The following NKAIN3 variants were observed in gnomAD, a reference collection of about 807,000 sequenced individuals.
NKAIN3 encodes sodium/potassium transporting ATPase interacting 3.
Under a neutral mutation model 30.2 loss-of-function variants are expected in NKAIN3, and 25 were observed. The observed-to-expected ratio is 0.83, with a 90% CI of 0.60 to 1.16. The LOEUF (loss-of-function observed/expected upper bound fraction) is 1.16. NKAIN3 is among the 50% of genes most tolerant of loss of function. NKAIN3 has a pLI of 0.00. For missense variants in NKAIN3, 225 were observed against 254.1 expected (o/e 0.89, Z 0.78); for synonymous variants, 91 against 89.6 (o/e 1.02, Z -0.09).
chr8:62,289,361 T>C (rs1414233837), intron 1 of NKAIN3, among the ~76,000 whole-genome samples: 1 of 152,160 alleles, frequency 6.6e-6, no homozygotes, highest in Non-Finnish European at 1.5e-5. Flanking sequence ...TCTTCTAGGG[T>C]TTTTCTGGTT....
intron 4 of NKAIN3, among the ~76,000 whole-genome samples, chr8:62,766,050 T>C (rs1816827415): frequency 6.6e-6 from 1 of 152,180 alleles, no homozygotes; most frequent in South Asian, 2.1e-4. Context: ...ACATCAAGTA[T>C]TGATTGATTT....
chr8:62,399,641 T>G (rs906521854), intron 1 of NKAIN3, among the ~76,000 whole-genome samples: 1 of 152,190 alleles, frequency 6.6e-6, no homozygotes, highest in African/African-American at 2.4e-5. Context: ...CTATGTGATC[T>G]CTCAAAGGAG....
At chr8:62,331,469 C>T (rs188007771) in intron 1 of NKAIN3, among the ~76,000 whole-genome samples, 8 of 152,192 alleles carry the variant, frequency 5.3e-5, no homozygotes, top group East Asian at 1.9e-4. Context: ...TGCCTGGCAC[C>T]GTCAGCGTAG....
intron 3 of NKAIN3, among the ~76,000 whole-genome samples, chr8:62,667,458 G>A (rs767824520): frequency 2.0e-5 from 3 of 149,620 alleles, no homozygotes; most frequent in Non-Finnish European, 4.4e-5. Context: ...AGATGTGATC[G>A]CCACACTTTA....
chr8:62,320,679 G>A (rs544052393), intron 1 of NKAIN3, among the ~76,000 whole-genome samples: 78 of 152,334 alleles, frequency 5.1e-4, no homozygotes, highest in African/African-American at 1.6e-3. Flanking sequence ...CTTCTGGCTT[G>A]TAGAGTTTCT....
chr8:62,554,815 C>T (rs1479886969), intron 1 of NKAIN3, among the ~76,000 whole-genome samples: 10 of 152,092 alleles, frequency 6.6e-5, no homozygotes, highest in Non-Finnish European at 1.0e-4. Flanking sequence ...CCACTTTGAA[C>T]CCTTTGACTT....
At chr8:62,958,279 G>A (rs941150026) in intron 6 of NKAIN3, among the ~76,000 whole-genome samples, 7 of 152,230 alleles carry the variant, frequency 4.6e-5, no homozygotes, top group Non-Finnish European at 8.8e-5. Flanking sequence ...CCACCATTAT[G>A]CCTAAAGCTA....
At chr8:62,408,989 A>C (rs184147092) in intron 1 of NKAIN3, among the ~76,000 whole-genome samples, 1 of 152,160 alleles carries the variant, frequency 6.6e-6, no homozygotes, top group African/African-American at 2.4e-5. Context: ...AAAAAATAGA[A>C]AAATGGTTTT....
Position 62,966,238 on chromosome 8 carries a change from T to G in NKAIN3, c.*831T>G, listed in dbSNP as rs1823710251. The G allele has an allele frequency of 2.0e-6, 2 of 985,066 alleles. No individual in the cohort carries two copies. Among genetic ancestry groups the G allele is most frequent in the South Asian group, 9.4e-5 (2 of 21,272 alleles). 61.0% of individuals were successfully genotyped at this position (985,066 alleles called of 1,614,324 possible). ...ATAGACCTGCAGTCAGGAACTTTTCTCTTAGGATATTCAAAAGAAGCCTGA... is the reference window on the plus strand; with the variant it reads ...ATAGACCTGCAGTCAGGAACTTTTCGCTTAGGATATTCAAAAGAAGCCTGA... On this transcript the variant is annotated 3_prime_UTR_variant, in exon 7 of 7. Coordinates refer to ENST00000623646, the MANE Select transcript of NKAIN3 (RefSeq NM_001304533.3).
intron 5 of NKAIN3, among the ~76,000 whole-genome samples, chr8:62,996,594 CATCTGAGACAAGGT>C (rs945271132): frequency 6.2e-4 from 94 of 152,288 alleles, no homozygotes; most frequent in African/African-American, 1.9e-3. Flanking sequence ...TCCAAAGTCT[CATCTGAGACAAGGT>C]ATGTCCCTTC....
In NKAIN3 at chr8:62,493,160, C is replaced by T. The variant is rs545385799; in HGVS notation, c.55-86379C>T. 2.7e-4 allele frequency among the ~76,000 whole-genome samples: 41 copies of T among 152,034 alleles called. No individual in the cohort carries two copies. The East Asian group carries it at 7.6e-3, about 28-fold the overall frequency. On this transcript the variant is annotated intron_variant, in intron 1 of 6. Transcript: ENST00000623646. Reference sequence around the variant, plus strand: ...GAATGGTATTGCCTAGGTTATCTTCCAGGGTTTTTATAGTTTTTGGTTTTA... The same window carrying T: ...GAATGGTATTGCCTAGGTTATCTTCTAGGGTTTTTATAGTTTTTGGTTTTA...
At chr8:62,838,429 T>A (rs1367330737) in intron 4 of NKAIN3, among the ~76,000 whole-genome samples, 1 of 152,004 alleles carries the variant, frequency 6.6e-6, no homozygotes, top group Non-Finnish European at 1.5e-5. Context: ...GAGAGATTTG[T>A]ACATTTGGTG....
At chr8:62,799,175 A>T (rs776045544) in intron 4 of NKAIN3, among the ~76,000 whole-genome samples, 1 of 152,242 alleles carries the variant, frequency 6.6e-6, no homozygotes, top group Non-Finnish European at 1.5e-5. Context: ...TGCATAAACT[A>T]GGAAGCAGTC....
intron 1 of NKAIN3, among the ~76,000 whole-genome samples, chr8:62,267,543 T>C (rs919083518): frequency 1.3e-5 from 2 of 152,248 alleles, no homozygotes; most frequent in Non-Finnish European, 2.9e-5. Context: ...TGCTTTACTT[T>C]TTAGTTAACC....
intron 1 of NKAIN3, among the ~76,000 whole-genome samples, chr8:62,508,493 G>C (rs1199871567): frequency 6.6e-6 from 1 of 152,132 alleles, no homozygotes; most frequent in Non-Finnish European, 1.5e-5. Flanking sequence ...TGGCTTCTGT[G>C]ACAACCCTCG....
intron 3 of NKAIN3, among the ~76,000 whole-genome samples, chr8:62,731,012 A>C (rs1440988001): frequency 6.6e-6 from 1 of 152,088 alleles, no homozygotes; most frequent in African/African-American, 2.4e-5. Context: ...ACATCCTTTC[A>C]ATGTGACTCA....
intron 4 of NKAIN3, among the ~76,000 whole-genome samples, chr8:62,847,263 A>G (rs1201787166): frequency 1.3e-5 from 2 of 152,116 alleles, no homozygotes; most frequent in African/African-American, 2.4e-5. Context: ...AAATCACCAC[A>G]CTGTCTTCCA....
intron 2 of NKAIN3, among the ~76,000 whole-genome samples, chr8:62,582,620 G>A (rs1810342305): frequency 6.6e-6 from 1 of 152,090 alleles, no homozygotes; most frequent in African/African-American, 2.4e-5. Flanking sequence ...TGGGCCGGAG[G>A]CACCACAAGG....
intron 1 of NKAIN3, among the ~76,000 whole-genome samples, chr8:62,399,462 G>A (rs1014035485): frequency 3.3e-5 from 5 of 152,118 alleles, no homozygotes; most frequent in South Asian, 2.1e-4. Context: ...CCAAGATCGC[G>A]CCACTGCTCT....
Sources: gnomAD v4.1 joint callset for allele counts (sites outside exome capture counted in the v4.1 genomes callset) on GRCh38, gnomAD v4.1.1 for gene constraint, MANE v1.5 for transcripts, NCBI Gene and HGNC (gene_info 2026-07-23, HGNC 2026-07-21) for gene names.